Variants in ZNF723 observed in about 807,000 individuals in gnomAD.
ZNF723 encodes zinc finger protein 723, pseudogene.
Under a neutral mutation model 9.4 loss-of-function variants are expected in ZNF723, and 5 were observed. The observed-to-expected ratio is 0.53, with a 90% CI of 0.28 to 1.12. ZNF723 has a LOEUF of 1.12. Among genes scored for constraint, ZNF723 ranks in the 50% most tolerant of loss-of-function variants. The probability of loss-of-function intolerance (pLI) is 0.10; values close to 1 mark genes in which losing one functional copy is unlikely to be tolerated. For synonymous variants in ZNF723, 158 were observed against 168.8 expected, an observed-to-expected ratio of 0.94 and a Z score of 0.49; for missense variants, 450 against 501.5, an observed-to-expected ratio of 0.90 and a Z score of 0.98.
At chr19:22,835,029 G>A (rs149028376) in intron 1 of ZNF723, among the ~76,000 whole-genome samples, 1 of 151,176 alleles carries the variant, frequency 6.6e-6, no homozygotes, top group African/African-American at 2.4e-5. Flanking sequence ...ACACATGACT[G>A]AGACACATCT....
At chr19:22,818,310 A>C in the ZNF723 span, among the ~76,000 whole-genome samples, 1 of 152,290 alleles carries the variant, frequency 6.6e-6, no homozygotes, top group Admixed American at 6.5e-5. Flanking sequence ...GATGACACTA[A>C]AAATTGTCAT....
chr19:22,848,982 T>C (rs1967354087), intron 2 of ZNF723, among the ~76,000 whole-genome samples: 1 of 152,122 alleles, frequency 6.6e-6, no homozygotes, highest in Non-Finnish European at 1.5e-5. Flanking sequence ...CTCGAACTTC[T>C]GACCTCAAGT....
upstream of ZNF723, among the ~76,000 whole-genome samples, chr19:22,830,826 G>A (rs1220611977): frequency 1.3e-5 from 2 of 152,122 alleles, no homozygotes; most frequent in Middle Eastern, 3.4e-3. Context: ...GCAGTGGTGC[G>A]ATCTTGGCTC....
upstream of ZNF723, among the ~76,000 whole-genome samples, chr19:22,827,706 C>T (rs1967052536): frequency 6.6e-6 from 1 of 152,066 alleles, no homozygotes; most frequent in Admixed American, 6.6e-5. Flanking sequence ...GCCTCGGCCT[C>T]CCAAAGTGTT....
At chr19:22,832,532 C>G in intron 1 of ZNF723, 150 bp downstream of exon 1, 1 of 931,732 alleles carries the variant, frequency 1.1e-6, no homozygotes. Context: ...ACACCTTCAG[C>G]GATAAGATGG....
intron 1 of ZNF723, among the ~76,000 whole-genome samples, chr19:22,841,099 G>A (rs1395583236): frequency 1.3e-5 from 2 of 152,216 alleles, no homozygotes; most frequent in Non-Finnish European, 2.9e-5. Flanking sequence ...CAGTGCTAAA[G>A]GAGTTAAAGA....
the ZNF723 span, among the ~76,000 whole-genome samples, chr19:22,815,786 A>G: frequency 1.3e-3 from 200 of 152,004 alleles, 1 homozygote; most frequent in African/African-American, 4.7e-3. Flanking sequence ...TATCATATAA[A>G]GCCCTTGAGG....
the ZNF723 span, among the ~76,000 whole-genome samples, chr19:22,826,639 A>G: frequency 1.3e-5 from 2 of 152,190 alleles, no homozygotes; most frequent in Admixed American, 6.5e-5. Flanking sequence ...AATTGTGACT[A>G]TCATATGTGG....
intron 1 of ZNF723, among the ~76,000 whole-genome samples, chr19:22,845,106 G>A (rs780689185): frequency 6.6e-5 from 10 of 152,102 alleles, no homozygotes; most frequent in Admixed American, 4.6e-4. Flanking sequence ...GTGACAGAGC[G>A]AGACTCTGTC....
upstream of ZNF723, among the ~76,000 whole-genome samples, chr19:22,831,323 G>A (rs1238783861): frequency 1.3e-5 from 2 of 152,204 alleles, no homozygotes; most frequent in African/African-American, 2.4e-5. Flanking sequence ...TTGGGAGGCC[G>A]AGGCGGGCGG....
intron 1 of ZNF723, among the ~76,000 whole-genome samples, chr19:22,841,166 G>A (rs1378373107): frequency 6.6e-6 from 1 of 152,244 alleles, no homozygotes. Flanking sequence ...AGCCATTTCT[G>A]TAGGAGAGTG....
At chr19:22,827,799 G>C (rs569582248), upstream of ZNF723, among the ~76,000 whole-genome samples, 7 of 152,256 alleles carry the variant, frequency 4.6e-5, no homozygotes, top group African/African-American at 1.4e-4. Context: ...CCCAGGCCGG[G>C]CGTGGTGGCT....
the ZNF723 span, among the ~76,000 whole-genome samples, chr19:22,821,342 C>A: frequency 2.0e-5 from 3 of 152,150 alleles, no homozygotes; most frequent in African/African-American, 7.2e-5. Flanking sequence ...AGGTATTTTA[C>A]TCTCCTGCGT....
chr19:22,840,391 G>A (rs563725551), intron 1 of ZNF723: 47 of 151,214 alleles, frequency 3.1e-4, no homozygotes, highest in East Asian at 9.8e-4. Flanking sequence ...GACTGGTCTC[G>A]AACTCCTAAC....
At chr19:22,833,055 A>T (rs1163629097) in intron 1 of ZNF723, among the ~76,000 whole-genome samples, 1 of 152,218 alleles carries the variant, frequency 6.6e-6, no homozygotes, top group Non-Finnish European at 1.5e-5. Context: ...GTAATTTTTT[A>T]AAAATAAATA....
At chr19:22,848,463 T>C (rs1967345355) in intron 2 of ZNF723, 76 bp downstream of exon 2, 6 of 1,113,614 alleles carry the variant, frequency 5.4e-6, no homozygotes, top group Non-Finnish European at 7.8e-6. Context: ...TGTTTTTTGG[T>C]AATTGATGCT....
intron 3 of ZNF723, among the ~76,000 whole-genome samples, chr19:22,856,382 A>G (rs566855382): frequency 1.3e-5 from 2 of 151,756 alleles, no homozygotes; most frequent in Admixed American, 1.3e-4. Context: ...TTTCCATTTC[A>G]CTCGTTGAGT....
chr19:22,836,191 C>T (rs935723034), intron 1 of ZNF723, among the ~76,000 whole-genome samples: 1 of 152,094 alleles, frequency 6.6e-6, no homozygotes, highest in African/African-American at 2.4e-5. Context: ...TCCCAGCCTG[C>T]TCACCCTAGC....
chr19:22,812,809 A>G, the ZNF723 span, among the ~76,000 whole-genome samples: 1 of 152,194 alleles, frequency 6.6e-6, no homozygotes, highest in Non-Finnish European at 1.5e-5. Context: ...GGTGATGCTC[A>G]GACCAATATT....
Sources: allele counts gnomAD v4.1 joint callset (sites outside exome capture counted in the v4.1 genomes callset), GRCh38; gene constraint gnomAD v4.1.1; transcripts MANE v1.5; gene names NCBI Gene and HGNC (gene_info 2026-07-23, HGNC 2026-07-21).